Variants in METTL4 observed in about 807,000 individuals in gnomAD.
METTL4 encodes the protein methyltransferase 4, N6-adenosine, also known as N(6)-adenine-specific methyltransferase METTL4.
A neutral mutation model predicts 54.0 loss-of-function variants in METTL4; 40 were observed. That is an observed-to-expected ratio of 0.74 (90% CI 0.58 to 0.96). METTL4 has a LOEUF of 0.96. Ranked by LOEUF, METTL4 falls within the 50% of genes least tolerant of loss-of-function variation. The probability of loss-of-function intolerance (pLI) is 0.00; values close to 1 mark genes in which losing one functional copy is unlikely to be tolerated. For missense variants in METTL4, 525 were observed against 549.0 expected (o/e 0.96, Z 0.44); for synonymous variants, 169 against 183.8 (o/e 0.92, Z 0.65).
intron 8 of METTL4, among the ~76,000 whole-genome samples, chr18:2,543,975 A>G (rs2072031667): frequency 6.6e-6 from 1 of 152,244 alleles, no homozygotes; most frequent in Admixed American, 6.5e-5. Flanking sequence ...AATCTGAAAA[A>G]TGGTATAACT....
At chr18:2,542,643 G>A (rs2072009849) in intron 8 of METTL4, among the ~76,000 whole-genome samples, 1 of 149,918 alleles carries the variant, frequency 6.7e-6, no homozygotes, top group African/African-American at 2.4e-5. Context: ...TATTACTAGT[G>A]CCAAGTATAA....
chr18:2,566,992 A>C lies in METTL4; in HGVS notation c.225T>G (p.Asp75Glu), dbSNP rs1407017745. Reference sequence around the variant, plus strand: ...GTGTGAACATTTCATAATTTCCTCCATCATCATTCTCTGGCTTAGTGGAAG... The same window carrying C: ...GTGTGAACATTTCATAATTTCCTCCCTCATCATTCTCTGGCTTAGTGGAAG... The part of the protein sequence containing the change: ...SDSSTKPEND[D>E]GGNYEMFTRK... Residue 75 changes from aspartate to glutamate, a missense_variant, in exon 2 of 9, where the codon GAT becomes GAG. By Grantham distance (45) the Asp-to-Glu change is conservative (BLOSUM62 2). Coordinates refer to ENST00000574538, the MANE Select transcript of METTL4 (RefSeq NM_022840.5). The C allele has an allele frequency of 5.6e-6, 9 of 1,614,168 alleles. No homozygotes were observed. The highest frequency in any genetic ancestry group is 1.7e-4 in the Middle Eastern group (1 of 6,060).
intron 6 of METTL4, among the ~76,000 whole-genome samples, chr18:2,546,006 G>A (rs1172012483): frequency 6.6e-6 from 1 of 151,852 alleles, no homozygotes; most frequent in Non-Finnish European, 1.5e-5. Context: ...CCTGACTTTG[G>A]TCCCAGTTTC....
chr18:2,548,210 A>G (rs1468501339), intron 5 of METTL4, among the ~76,000 whole-genome samples: 1 of 152,286 alleles, frequency 6.6e-6, no homozygotes, highest in East Asian at 1.9e-4. Flanking sequence ...CCTCCTGGCC[A>G]TAGAGTATAA....
chr18:2,563,990 G>A (rs1420413607), intron 2 of METTL4, 131 bp from the exon 3 acceptor site: 1 of 569,402 alleles, frequency 1.8e-6, no homozygotes, highest in Non-Finnish European at 3.0e-6. Flanking sequence ...TGTCTACTGA[G>A]GTCAAAATCA....
In METTL4 at chr18:2,544,661, T is replaced by G. The variant is rs751787664; in HGVS notation, c.1173A>C (p.Leu391=). The G allele has an allele frequency of 6.2e-7, 1 of 1,604,126 alleles. No homozygotes were observed. The change falls in exon 7 of 9, where the codon CTA becomes CTC. Residue 391 remains leucine, a synonymous_variant. Coordinates refer to ENST00000574538, the MANE Select transcript of METTL4 (RefSeq NM_022840.5). The part of the protein sequence containing the change: ...ILGRVQEKTA[L]PLRNADVNVL... ...AAAATCACCTTTCCTACCTCAATGG[T>G]AGAGCAGTTTTTTCTTGAACCCTCC...
intron 4 of METTL4, chr18:2,553,816 A>G (rs1156820859): frequency 6.6e-6 from 1 of 152,200 alleles, no homozygotes; most frequent in Non-Finnish European, 1.5e-5. Flanking sequence ...AACAAAGATC[A>G]AAAAGAAGAG....
At position 2,538,919 on chromosome 18, in the gene METTL4, C is replaced by A; in HGVS notation, c.*81G>T. ...ATATTCTAAGAATATGGGTTGGTAACAAAATAAAAAAATGACTTAGAATTA... is the reference window on the plus strand; with the variant it reads ...ATATTCTAAGAATATGGGTTGGTAAAAAAATAAAAAAATGACTTAGAATTA... On this transcript the variant is annotated 3_prime_UTR_variant, in exon 9 of 9. Transcript: ENST00000574538. 6.7e-7 allele frequency: 1 copy of A among 1,491,456 alleles called. No homozygotes were observed. The highest frequency in any genetic ancestry group is 9.1e-7 in the Non-Finnish European group (1 of 1,100,064). 92.4% of individuals were successfully genotyped at this position (1,491,456 alleles called of 1,614,324 possible). A position where few individuals can be genotyped will look rare whatever the true frequency, so the allele number is the denominator to read the frequency against.
intron 5 of METTL4, among the ~76,000 whole-genome samples, chr18:2,551,183 AAAG>A (rs2072154686): frequency 2.0e-5 from 3 of 151,378 alleles, no homozygotes; most frequent in Non-Finnish European, 4.4e-5. Flanking sequence ...AAAAAAAAAA[AAAG>A]AATATTATAT....
At chr18:2,567,927 T>C (rs1319674215) in intron 1 of METTL4, among the ~76,000 whole-genome samples, 3 of 152,204 alleles carry the variant, frequency 2.0e-5, no homozygotes, top group Non-Finnish European at 4.4e-5. Context: ...CACTAAACCC[T>C]AGCAAAACCG....
chr18:2,566,833 A>G lies in METTL4; in HGVS notation c.384T>C (p.Ser128=). Reference sequence around the variant, plus strand: ...TAAAACTTTCTACCTTCCCAATAATAGAAATGGAGATTTCTTTTTTAACAC... The same window carrying G: ...TAAAACTTTCTACCTTCCCAATAATGGAAATGGAGATTTCTTTTTTAACAC... The part of the protein sequence containing the change: ...MNGVKKEISI[S]IIGKKRKRCV... Residue 128 remains serine (S), a synonymous_variant, in exon 2 of 9, where the codon TCT becomes TCC. Transcript: ENST00000574538. 6.4e-7 allele frequency: 1 copy of G among 1,561,608 alleles called. No homozygotes were observed. The highest frequency in any genetic ancestry group is 8.7e-7 in the Non-Finnish European group (1 of 1,154,428).
intron 3 of METTL4, among the ~76,000 whole-genome samples, chr18:2,556,738 A>G (rs2072244704): frequency 6.6e-6 from 1 of 152,210 alleles, no homozygotes; most frequent in African/African-American, 2.4e-5. Context: ...GACATAAAAA[A>G]AGGACCAAAT....
At chr18:2,544,392 A>C in intron 7 of METTL4, 106 bp from the exon 8 acceptor site, 1 of 751,512 alleles carries the variant, frequency 1.3e-6, no homozygotes. Context: ...TGATTTTAAC[A>C]CAAATTTTAC....
At chr18:2,539,915 A>G in intron 8 of METTL4, 2 of 956,468 alleles carry the variant, frequency 2.1e-6, no homozygotes, top group Non-Finnish European at 2.5e-6. Flanking sequence ...ATAAATGAAG[A>G]GCTGGATAGA....
At chr18:2,545,752 A>C (rs1398816211) in intron 6 of METTL4, among the ~76,000 whole-genome samples, 5 of 152,102 alleles carry the variant, frequency 3.3e-5, no homozygotes, top group Non-Finnish European at 7.4e-5. Flanking sequence ...CATATCCTAC[A>C]AAAAGTGCTG....
chr18:2,554,639 T>C, intron 4 of METTL4, 30 bp downstream of exon 4: 1 of 1,572,506 alleles, frequency 6.4e-7, no homozygotes, highest in Non-Finnish European at 8.6e-7. Context: ...AAATTATCTT[T>C]TTCTAATAAC....
chr18:2,554,486 A>AT (rs2072207288), intron 4 of METTL4, 183 bp downstream of exon 4: 3 of 555,602 alleles, frequency 5.4e-6, no homozygotes, highest in African/African-American at 3.9e-5. Flanking sequence ...CACAATATTT[A>AT]TTTTTTTAAA....
intron 3 of METTL4, among the ~76,000 whole-genome samples, chr18:2,558,262 C>T (rs899239105): frequency 3.9e-5 from 6 of 152,004 alleles, no homozygotes; most frequent in Non-Finnish European, 7.4e-5. Flanking sequence ...AAATCCCAAG[C>T]GTATGTTCTA....
chr18:2,555,151 T>C (rs1456155236), intron 3 of METTL4, 113 bp from the exon 4 acceptor site: 1 of 1,085,482 alleles, frequency 9.2e-7, no homozygotes. Context: ...ACACTTACAG[T>C]AAAATAATTC....
Sources: gnomAD v4.1 joint callset for allele counts (sites outside exome capture counted in the v4.1 genomes callset) on GRCh38, gnomAD v4.1.1 for gene constraint, MANE v1.5 for transcripts, NCBI Gene and HGNC (gene_info 2026-07-23, HGNC 2026-07-21) for gene names.